WDR11: variants seen among roughly 807,000 people sequenced by gnomAD.
WDR11 encodes WD repeat domain 11.
WDR11 carries 83 observed loss-of-function variants against 151.2 expected under a neutral mutation model. That is an observed-to-expected ratio of 0.55 (90% CI 0.46 to 0.66). The LOEUF is 0.66. Ranked by LOEUF, WDR11 falls within the 30% of genes least tolerant of loss-of-function variation. WDR11 has a pLI of 0.00. For synonymous variants in WDR11, 484 were observed against 533.1 expected (o/e 0.91, Z 1.27); for missense variants, 1,301 against 1,480.9 (o/e 0.88, Z 1.99).
chr10:120,906,770 G>T lies in WDR11; in HGVS notation c.3438-6G>T. On this transcript the variant is annotated splice_polypyrimidine_tract_variant and splice_region_variant and intron_variant, in intron 27 of 28. Coordinates refer to ENST00000263461, the MANE Select transcript of WDR11 (RefSeq NM_018117.12). ...AGCATAACTCTTGTTTTGTTCTGTTGAGCAGCATGAGATACTTTGATAGAG... is the reference window on the plus strand; with the variant it reads ...AGCATAACTCTTGTTTTGTTCTGTTTAGCAGCATGAGATACTTTGATAGAG... 6.2e-7 allele frequency: 1 copy of T among 1,614,092 alleles called. No homozygotes were observed. Among genetic ancestry groups the T allele is most frequent in the South Asian group, 1.1e-5 (1 of 91,060 alleles).
At chr10:120,905,293 T>TCAAAG (rs760058107) in intron 25 of WDR11, 26 bp from the exon 26 acceptor site, 1 of 1,611,566 alleles carries the variant, frequency 6.2e-7, no homozygotes, top group Admixed American at 1.7e-5. Flanking sequence ...CAGTGTCACT[T>TCAAAG]AAGGGGATGC....
chr10:120,902,976 C>T, intron 22 of WDR11, 79 bp from the exon 23 acceptor site: 2 of 1,442,260 alleles, frequency 1.4e-6, no homozygotes, highest in South Asian at 1.2e-5. Flanking sequence ...CACTCCCTTC[C>T]AGTCCCTCAG....
intron 15 of WDR11, 47 bp from the exon 16 acceptor site, chr10:120,886,642 C>T (rs911214274): frequency 1.3e-6 from 2 of 1,580,038 alleles, no homozygotes; most frequent in Non-Finnish European, 1.7e-6. Context: ...GAGTATCACT[C>T]TAGGGGAAAA....
At chr10:120,881,009 T>C (rs1846985944) in intron 13 of WDR11, 108 bp downstream of exon 13, 1 of 962,046 alleles carries the variant, frequency 1.0e-6, no homozygotes, top group Non-Finnish European at 1.6e-6. Flanking sequence ...ATGGAATCTT[T>C]TTAGTGATAG....
At chr10:120,889,403 AATTTTTTTGT>A in intron 17 of WDR11, 1 of 488,890 alleles carries the variant, frequency 2.0e-6, no homozygotes, top group Non-Finnish European at 3.7e-6. Flanking sequence ...ACGCCCGGCT[AATTTTTTTGT>A]ATTTTTTTAG....
At chr10:120,891,005 T>A in intron 19 of WDR11, 118 bp downstream of exon 19, 3 of 1,118,754 alleles carry the variant, frequency 2.7e-6, no homozygotes, top group Admixed American at 2.1e-5. Context: ...TCTTAGAATC[T>A]GAGTTTAAGA....
chr10:120,894,744 A>G (rs1282913027), intron 19 of WDR11, among the ~76,000 whole-genome samples: 1 of 152,224 alleles, frequency 6.6e-6, no homozygotes, highest in Admixed American at 6.5e-5. Flanking sequence ...ACTTTAGCCC[A>G]GATGGAGCAG....
chr10:120,872,530 T>G (rs1425887268), intron 10 of WDR11, among the ~76,000 whole-genome samples: 1 of 147,626 alleles, frequency 6.8e-6, no homozygotes, highest in Non-Finnish European at 1.5e-5. Context: ...TGGTATGTAG[T>G]GAATATCATT....
At position 120,858,697 on chromosome 10, in the gene WDR11, C is replaced by A; in HGVS notation, c.253C>A (p.Arg85=). Residue 85 remains arginine (R), a synonymous_variant, in exon 3 of 29, where the codon CGG becomes AGG. Coordinates refer to ENST00000263461, the MANE Select transcript of WDR11 (RefSeq NM_018117.12). ...HHNIGSPYCL[R]LASADVNGKI... is the part of the protein sequence containing the mutation. ...TAACATTGGCTCACCATATTGCTTA[C>A]GGTTAGCTTCTGCTGATGTCAATGG... 6.2e-7 allele frequency: 1 copy of A among 1,614,172 alleles called. No homozygotes were observed.
At chr10:120,908,431 G>A in intron 28 of WDR11, 125 bp from the exon 29 acceptor site, 1 of 993,462 alleles carries the variant, frequency 1.0e-6, no homozygotes, top group Non-Finnish European at 1.6e-6. Context: ...GCTGCCCGCT[G>A]TGGACACCAG....
chr10:120,869,917 G>A (rs1846473660), intron 9 of WDR11, among the ~76,000 whole-genome samples: 1 of 152,126 alleles, frequency 6.6e-6, no homozygotes, highest in Non-Finnish European at 1.5e-5. Context: ...AGCCCCATGA[G>A]TAGCTGGGAT....
At chr10:120,875,204 T>C (rs1327186991) in intron 11 of WDR11, among the ~76,000 whole-genome samples, 1 of 152,248 alleles carries the variant, frequency 6.6e-6, no homozygotes, top group East Asian at 1.9e-4. Context: ...GTAGGACTGC[T>C]TATGACAAAT....
At chr10:120,873,117 T>G (rs1450278822) in intron 10 of WDR11, among the ~76,000 whole-genome samples, 1 of 152,202 alleles carries the variant, frequency 6.6e-6, no homozygotes, top group Non-Finnish European at 1.5e-5. Flanking sequence ...GAATAATACC[T>G]GTAAACTATT....
intron 2 of WDR11, among the ~76,000 whole-genome samples, chr10:120,854,315 A>G (rs1268979579): frequency 6.6e-6 from 1 of 152,168 alleles, no homozygotes; most frequent in African/African-American, 2.4e-5. Context: ...TTCACTTAGG[A>G]TAATGTTTTC....
In WDR11 at chr10:120,903,331, T is replaced by C. The variant is rs1429619510; in HGVS notation, c.2931+99T>C. 13 of 1,419,788 alleles carry C rather than the reference T, an allele frequency of 9.2e-6. No homozygotes were observed. The Admixed American group carries it at 2.1e-4, about 23-fold the overall frequency. 87.9% of individuals were successfully genotyped at this position (1,419,788 alleles called of 1,614,324 possible). A position where few individuals can be genotyped will look rare whatever the true frequency, so the allele number is the denominator to read the frequency against. On this transcript the variant is annotated intron_variant, in intron 23 of 28. Coordinates refer to ENST00000263461, the MANE Select transcript of WDR11 (RefSeq NM_018117.12). ...TTGGGAAACTTTCAAACTAAGTTAC[T>C]GTTCAGTAATAGAAATAAGCCCTTG...
intron 19 of WDR11, among the ~76,000 whole-genome samples, chr10:120,891,905 C>T (rs952544620): frequency 6.6e-6 from 1 of 152,218 alleles, no homozygotes; most frequent in Non-Finnish European, 1.5e-5. Flanking sequence ...AGCCAGAATT[C>T]AAGACCTACA....
intron 19 of WDR11, among the ~76,000 whole-genome samples, chr10:120,897,449 G>A (rs539898335): frequency 6.6e-6 from 1 of 152,270 alleles, no homozygotes; most frequent in African/African-American, 2.4e-5. Flanking sequence ...TGGAGAAGGT[G>A]CCCTGATAAG....
intron 11 of WDR11, 138 bp from the exon 12 acceptor site, chr10:120,878,214 TA>T: frequency 1.5e-6 from 1 of 656,946 alleles, no homozygotes; most frequent in Non-Finnish European, 2.6e-6. Context: ...AAGGTCATGT[TA>T]AGATAAAAGG....
intron 14 of WDR11, 98 bp from the exon 15 acceptor site, chr10:120,885,716 A>G: frequency 6.9e-7 from 1 of 1,456,372 alleles, no homozygotes; most frequent in Non-Finnish European, 9.5e-7. Context: ...GTAATAATAA[A>G]TGATACTGGG....
Sources: allele counts gnomAD v4.1 joint callset (sites outside exome capture counted in the v4.1 genomes callset), GRCh38; gene constraint gnomAD v4.1.1; transcripts MANE v1.5; gene names NCBI Gene and HGNC (gene_info 2026-07-23, HGNC 2026-07-21).